Variants in TGM2 observed in about 807,000 individuals in gnomAD.
The protein encoded by TGM2 is protein-glutamine gamma-glutamyltransferase 2.
A neutral mutation model predicts 75.6 loss-of-function variants in TGM2; 53 were observed. That is an observed-to-expected ratio of 0.70 (90% CI 0.56 to 0.88). The LOEUF (loss-of-function observed/expected upper bound fraction) is 0.88, where lower values mean the gene tolerates loss of function less well. Ranked by LOEUF, TGM2 falls within the 40% of genes least tolerant of loss-of-function variation. TGM2 has a pLI of 0.00. For synonymous variants in TGM2, 374 were observed against 381.1 expected (o/e 0.98, Z 0.22); for missense variants, 842 against 928.5 (o/e 0.91, Z 1.21).
chr20:38,143,414 A>G lies in TGM2; in HGVS notation c.860-1215T>C, dbSNP rs574046978. Among the ~76,000 whole-genome samples the G allele has an allele frequency of 2.6e-5, 4 of 152,336 alleles. No individual in the cohort carries two copies. The South Asian group carries it at 8.3e-4, about 32-fold the overall frequency. On this transcript the variant is annotated intron_variant, in intron 6 of 12. Transcript: ENST00000361475. Reference sequence around the variant, plus strand: ...GCACGTGGCCCTATAAATAGGTCGCAGCACAGATCAGGGTCCTCAGACTTG... The same window carrying G: ...GCACGTGGCCCTATAAATAGGTCGCGGCACAGATCAGGGTCCTCAGACTTG...
At chr20:38,132,881 G>A (rs530337698) in intron 10 of TGM2, 6 of 460,258 alleles carry the variant, frequency 1.3e-5, no homozygotes, top group African/African-American at 6.0e-5. Flanking sequence ...AGCCTGGTGC[G>A]CTCGGGACTC....
chr20:38,135,770 C>T (rs1460536805), intron 10 of TGM2, among the ~76,000 whole-genome samples: 4 of 152,100 alleles, frequency 2.6e-5, no homozygotes, highest in African/African-American at 4.8e-5. Flanking sequence ...GGAAAGGTCC[C>T]GGGCTTCTCG....
intron 10 of TGM2, among the ~76,000 whole-genome samples, chr20:38,134,096 A>G (rs1197837732): frequency 6.6e-6 from 1 of 152,166 alleles, no homozygotes; most frequent in Non-Finnish European, 1.5e-5. Context: ...GACTTTCCCC[A>G]GGAGGTCACC....
At chr20:38,135,256 T>C (rs1046695323) in intron 10 of TGM2, among the ~76,000 whole-genome samples, 2 of 152,178 alleles carry the variant, frequency 1.3e-5, no homozygotes, top group African/African-American at 2.4e-5. Context: ...GACAGACACT[T>C]TCTCCCCTTG....
intron 1 of TGM2, among the ~76,000 whole-genome samples, chr20:38,164,516 G>A (rs140805488): frequency 6.6e-6 from 1 of 152,290 alleles, no homozygotes; most frequent in African/African-American, 2.4e-5. Flanking sequence ...TGCACCAAAG[G>A]CTGGAGCAGA....
In TGM2 at chr20:38,131,891, GT is replaced by G. The variant is rs777228177; in HGVS notation, c.1776+448del. 2.6e-5 allele frequency among the ~76,000 whole-genome samples: 4 copies of G among 152,134 alleles called. No homozygotes were observed. In the South Asian group the frequency reaches 6.2e-4, roughly 24 times the overall value. On this transcript the variant is annotated intron_variant, in intron 11 of 12. Coordinates refer to ENST00000361475, the MANE Select transcript of TGM2 (RefSeq NM_004613.4). ...CTTTTAATTCTTACAACACCCCTCA[GT>G]GCTATTATTAACCCCATGTTACAGA...
rs759915842 is a variant in TGM2 at position 38,131,122 on chromosome 20, G to T, written c.1884C>A (p.Gly628=). Residue 628 remains glycine (G), a synonymous_variant, in exon 12 of 13, where the codon GGC becomes GGA. Transcript: ENST00000361475. ...CCACCGTCTTCTGCTCCTCAGTCAGGCCGGCCCCCTCCACAGTGAAGGTGC... is the reference window on the plus strand; with the variant it reads ...CCACCGTCTTCTGCTCCTCAGTCAGTCCGGCCCCCTCCACAGTGAAGGTGC... ...EGCTFTVEGA[G]LTEEQKTVEI... The T allele has an allele frequency of 2.0e-4, 320 of 1,613,110 alleles. 1 individual carries two copies. The highest frequency in any genetic ancestry group is 3.3e-4 in the Middle Eastern group (2 of 6,084).
At position 38,146,711 on chromosome 20, in the gene TGM2, G is replaced by A. The variant is rs201754922; in HGVS notation, c.859+6C>T. 9.4e-4 allele frequency: 1,516 copies of A among 1,612,974 alleles called. 25 individuals are homozygous for A. In the South Asian group the frequency reaches 0.016, roughly 17 times the overall value. On this transcript the variant is annotated splice_donor_region_variant and intron_variant, in intron 6 of 12. Coordinates refer to ENST00000361475, the MANE Select transcript of TGM2 (RefSeq NM_004613.4). The stretch of plus-strand genomic sequence containing the variant: ...CTCATGACCCACATCCCAGCGTGCA[G>A]CTCACCTGTGCAGGCCACGGCGGCG...
At chr20:38,148,392 C>A (rs1267844405) in intron 4 of TGM2, among the ~76,000 whole-genome samples, 1 of 152,134 alleles carries the variant, frequency 6.6e-6, no homozygotes, top group African/African-American at 2.4e-5. Flanking sequence ...GCCCGGTGTC[C>A]CTGGGGCTCC....
chr20:38,165,072 C>T, intron 1 of TGM2, 117 bp downstream of exon 1: 1 of 1,500,976 alleles, frequency 6.7e-7, no homozygotes, highest in Non-Finnish European at 9.2e-7. Flanking sequence ...CCTCCTCACC[C>T]AGCCCGGTCT....
chr20:38,145,159 A>G (rs1406681398), intron 6 of TGM2, among the ~76,000 whole-genome samples: 1 of 152,142 alleles, frequency 6.6e-6, no homozygotes, highest in Non-Finnish European at 1.5e-5. Flanking sequence ...GTCAGAAGGC[A>G]AGGACAGCCG....
chr20:38,148,003 G>A lies in TGM2; in HGVS notation c.639C>T (p.Arg213=), dbSNP rs371768790. The A allele has an allele frequency of 1.9e-6, 3 of 1,606,730 alleles. No homozygotes were observed. In the African/African-American group the frequency reaches 4.0e-5, roughly 21 times the overall value. ...FLKNAGRDCS[R]RSSPVYVGRV... is the part of the protein sequence containing the mutation. ...GGCCCACGTAGACGGGGCTGCTGCG[G>A]CGGGAGCAGTCACGGCCGGCGTTCT... The change falls in exon 5 of 13, where the codon CGC becomes CGT. Residue 213 remains arginine (R), a synonymous_variant. Transcript: ENST00000361475.
chr20:38,138,117 G>T lies in TGM2; in HGVS notation c.1611C>A (p.Phe537Leu). Residue 537 changes from phenylalanine (F) to leucine (L), a missense_variant, in exon 10 of 13, where the codon TTC becomes TTA. By Grantham distance (22) the Phe-to-Leu change is conservative (BLOSUM62 0). Coordinates refer to ENST00000361475, the MANE Select transcript of TGM2 (RefSeq NM_004613.4). ...KYLLNLNLEP[F>L]SEKSVPLCIL... ...TCCAGGAACACAGGGCTTTACCAGA[G>T]AAAGGCTCCAGGTTGAGGTTGAGCA... 6.3e-7 allele frequency: 1 copy of T among 1,590,498 alleles called. No individual in the cohort carries two copies. Among genetic ancestry groups the T allele is most frequent in the South Asian group, 1.1e-5 (1 of 87,508 alleles).
intron 2 of TGM2, among the ~76,000 whole-genome samples, chr20:38,159,421 C>A (rs1482523734): frequency 6.6e-6 from 1 of 151,702 alleles, no homozygotes; most frequent in African/African-American, 2.4e-5. Flanking sequence ...AGACTTAGCA[C>A]CTGGGTGACA....
intron 10 of TGM2, among the ~76,000 whole-genome samples, chr20:38,136,721 G>C (rs980099227): frequency 6.6e-6 from 1 of 152,152 alleles, no homozygotes; most frequent in Non-Finnish European, 1.5e-5. Flanking sequence ...CCTCACACCT[G>C]CAGGGCTCCA....
Position 38,129,915 on chromosome 20 carries a change from A to G in TGM2, c.*304T>C. 1 of 438,216 alleles carries G rather than the reference A, an allele frequency of 2.3e-6. No individual in the cohort carries two copies. Among genetic ancestry groups the G allele is most frequent in the Non-Finnish European group, 4.2e-6 (1 of 238,572 alleles). The allele number at this position is 438,216 out of a possible 1,614,324, so 27.1% of individuals were successfully genotyped here. ...TGGTGGGTGGTCAATGGCTTTCCAA[A>G]GGGCATCTGGGCAGGAGAGGGAATG... On this transcript the variant is annotated 3_prime_UTR_variant, in exon 13 of 13. Coordinates refer to ENST00000361475, the MANE Select transcript of TGM2 (RefSeq NM_004613.4).
At chr20:38,148,133 C>T (rs1019965393) in intron 4 of TGM2, 44 bp from the exon 5 acceptor site, 1 of 1,612,792 alleles carries the variant, frequency 6.2e-7, no homozygotes, top group Non-Finnish European at 8.5e-7. Context: ...GCTGGGAAGG[C>T]ACCTCCTCCA....
chr20:38,130,952 G>A (rs1478130678), intron 12 of TGM2, 141 bp downstream of exon 12: 2 of 1,305,972 alleles, frequency 1.5e-6, no homozygotes, highest in African/African-American at 2.9e-5. Flanking sequence ...TAGCCCCAGG[G>A]TGTCTGGGAG....
In TGM2 at chr20:38,141,228, T is replaced by A. The variant is rs2074968111; in HGVS notation, c.1099+54A>T. The A allele has an allele frequency of 4.1e-6, 6 of 1,455,068 alleles. No homozygotes were observed. In the East Asian group the frequency reaches 9.9e-5, roughly 24 times the overall value. The allele number at this position is 1,455,068 out of a possible 1,614,324, so 90.1% of individuals were successfully genotyped here. A position where few individuals can be genotyped will look rare whatever the true frequency, so the allele number is the denominator to read the frequency against. On this transcript the variant is annotated intron_variant, in intron 8 of 12. Coordinates refer to ENST00000361475, the MANE Select transcript of TGM2 (RefSeq NM_004613.4). Reference sequence around the variant, plus strand: ...CGCCCTCCAGCTGAGTCACTTTAACTCTCCAAGCCTCGTCTTCCCCATCTG... The same window carrying A: ...CGCCCTCCAGCTGAGTCACTTTAACACTCCAAGCCTCGTCTTCCCCATCTG...
Sources: gnomAD v4.1 joint callset for allele counts (sites outside exome capture counted in the v4.1 genomes callset) on GRCh38, gnomAD v4.1.1 for gene constraint, MANE v1.5 for transcripts, NCBI Gene and HGNC (gene_info 2026-07-23, HGNC 2026-07-21) for gene names.